The following HS3ST5 variants were observed in gnomAD, a reference collection of about 807,000 sequenced individuals.
HS3ST5 encodes the protein heparan sulfate-glucosamine 3-sulfotransferase 5.
HS3ST5 carries 10 observed loss-of-function variants against 25.4 expected under a neutral mutation model. The observed-to-expected ratio is 0.39, with a 90% CI of 0.24 to 0.67. HS3ST5 has a LOEUF of 0.67. HS3ST5 is among the 30% of genes least tolerant of loss of function. The pLI, the probability that HS3ST5 is intolerant of heterozygous loss-of-function variation, is 0.44. For synonymous variants in HS3ST5, 170 were observed against 162.4 expected (o/e 1.05, Z -0.36); for missense variants, 324 against 420.7 (o/e 0.77, Z 2.01).
intron 1 of HS3ST5, among the ~76,000 whole-genome samples, chr6:114,240,571 A>G (rs775530988): frequency 6.6e-6 from 1 of 152,162 alleles, no homozygotes; most frequent in African/African-American, 2.4e-5. Context: ...TGCTGTTCTG[A>G]TGTAAATCCT....
intron 2 of HS3ST5, among the ~76,000 whole-genome samples, chr6:114,225,198 T>G (rs1172605158): frequency 3.3e-5 from 5 of 151,834 alleles, no homozygotes; most frequent in Non-Finnish European, 7.4e-5. Context: ...AAACTTCCAA[T>G]AGCATGACTT....
intron 1 of HS3ST5, among the ~76,000 whole-genome samples, chr6:114,329,667 T>C (rs1219921809): frequency 1.3e-5 from 2 of 151,896 alleles, no homozygotes; most frequent in Non-Finnish European, 2.9e-5. Flanking sequence ...ATGAAGGAGG[T>C]TTGGCGCACA....
chr6:114,064,104 C>T (rs1773309776), intron 3 of HS3ST5, among the ~76,000 whole-genome samples: 1 of 152,162 alleles, frequency 6.6e-6, no homozygotes, highest in East Asian at 1.9e-4. Flanking sequence ...CTTATTGAAA[C>T]TCAAAATAGT....
At chr6:114,312,477 G>C (rs1775570993) in intron 1 of HS3ST5, among the ~76,000 whole-genome samples, 1 of 151,836 alleles carries the variant, frequency 6.6e-6, no homozygotes, top group South Asian at 2.1e-4. Context: ...GGTAGACAAG[G>C]GTTTCTTAGA....
At chr6:114,183,096 G>A (rs1320910653) in intron 2 of HS3ST5, among the ~76,000 whole-genome samples, 1 of 152,024 alleles carries the variant, frequency 6.6e-6, no homozygotes, top group African/African-American at 2.4e-5. Flanking sequence ...CTGGGTCTGT[G>A]GTTGCAAATG....
chr6:114,333,395 T>G (rs1776482358), intron 1 of HS3ST5, among the ~76,000 whole-genome samples: 1 of 152,092 alleles, frequency 6.6e-6, no homozygotes, highest in Non-Finnish European at 1.5e-5. Flanking sequence ...CTTAAAAAAG[T>G]AATGGTGTAT....
chr6:114,163,512 C>G (rs1261202816), intron 3 of HS3ST5, among the ~76,000 whole-genome samples: 1 of 152,084 alleles, frequency 6.6e-6, no homozygotes, highest in Non-Finnish European at 1.5e-5. Context: ...ATTTTTAGAA[C>G]TTGACAAGAC....
chr6:114,231,076 G>T (rs2114535389), intron 1 of HS3ST5, among the ~76,000 whole-genome samples: 1 of 152,162 alleles, frequency 6.6e-6, no homozygotes, highest in East Asian at 1.9e-4. Context: ...TCATGGGGGT[G>T]GGTTTCTCAT....
intron 3 of HS3ST5, among the ~76,000 whole-genome samples, chr6:114,135,233 C>T (rs138317799): frequency 6.6e-6 from 1 of 152,300 alleles, no homozygotes; most frequent in East Asian, 1.9e-4. Context: ...TTTCCTACAC[C>T]CTGATCATTC....
At chr6:114,261,027 T>C (rs1183722343) in intron 1 of HS3ST5, among the ~76,000 whole-genome samples, 3 of 152,160 alleles carry the variant, frequency 2.0e-5, no homozygotes, top group Admixed American at 1.3e-4. Context: ...GCTGTGACGA[T>C]GACAATAGTG....
chr6:114,082,915 G>T (rs1000124799), intron 3 of HS3ST5, among the ~76,000 whole-genome samples: 10 of 152,208 alleles, frequency 6.6e-5, no homozygotes, highest in Non-Finnish European at 1.5e-4. Context: ...CAACACAGCA[G>T]CAGGGGCCAC....
At chr6:114,180,428 GTGCCAGCA>G (rs912251955) in intron 2 of HS3ST5, among the ~76,000 whole-genome samples, 1 of 152,054 alleles carries the variant, frequency 6.6e-6, no homozygotes, top group African/African-American at 2.4e-5. Context: ...CAAGATCAAG[GTGCCAGCA>G]TGGTTTGGTT....
chr6:114,076,475 C>T (rs1774143381), intron 3 of HS3ST5, among the ~76,000 whole-genome samples: 2 of 152,094 alleles, frequency 1.3e-5, no homozygotes, highest in African/African-American at 4.8e-5. Flanking sequence ...TAGTCCTGAC[C>T]TCTTTAAAGA....
intron 3 of HS3ST5, chr6:114,112,539 A>G (rs1776317434): frequency 6.6e-6 from 1 of 152,234 alleles, no homozygotes; most frequent in Admixed American, 6.5e-5. Context: ...ATGTTATAAA[A>G]GCAATAGAAA....
At chr6:114,197,240 C>G (rs1478955982) in intron 2 of HS3ST5, among the ~76,000 whole-genome samples, 2 of 151,312 alleles carry the variant, frequency 1.3e-5, no homozygotes, top group Non-Finnish European at 2.9e-5. Flanking sequence ...TGGTCCTGTT[C>G]AAGACTATAT....
chr6:114,149,034 C>T (rs1390501512), intron 3 of HS3ST5, among the ~76,000 whole-genome samples: 1 of 152,156 alleles, frequency 6.6e-6, no homozygotes, highest in Non-Finnish European at 1.5e-5. Flanking sequence ...CAGTGAGATA[C>T]CATCTCACAC....
chr6:114,227,537 T>C (rs1255774357), intron 2 of HS3ST5, among the ~76,000 whole-genome samples: 2 of 151,968 alleles, frequency 1.3e-5, no homozygotes, highest in Non-Finnish European at 2.9e-5. Context: ...AGTTGCTAAA[T>C]GACATATAGG....
intron 1 of HS3ST5, among the ~76,000 whole-genome samples, chr6:114,290,913 T>C (rs979341271): frequency 1.3e-5 from 2 of 152,054 alleles, no homozygotes; most frequent in African/African-American, 2.4e-5. Context: ...ATCTATTATT[T>C]AATTTGTTTC....
At position 114,062,807 on chromosome 6, in the gene HS3ST5, G is replaced by C; in HGVS notation, c.39C>G (p.Leu13=). 6.2e-7 allele frequency: 1 copy of C among 1,614,022 alleles called. No individual in the cohort carries two copies. The highest frequency in any genetic ancestry group is 8.5e-7 in the Non-Finnish European group (1 of 1,179,950). The change falls in exon 4 of 5, where the codon CTC becomes CTG. Residue 13 remains leucine (L), a synonymous_variant. Transcript: ENST00000312719. ...FKQQAWLRQK[L]LVLGSLAVGS... ...CAACGGCAAGGCTTCCCAGCACCAGGAGCTTCTGTCTCAGCCACGCCTGCT... is the reference window on the plus strand; with the variant it reads ...CAACGGCAAGGCTTCCCAGCACCAGCAGCTTCTGTCTCAGCCACGCCTGCT...
Sources: allele counts gnomAD v4.1 joint callset (sites outside exome capture counted in the v4.1 genomes callset), GRCh38; gene constraint gnomAD v4.1.1; transcripts MANE v1.5; gene names NCBI Gene and HGNC (gene_info 2026-07-23, HGNC 2026-07-21).